Variants in TACR1 observed in about 807,000 individuals in gnomAD.
TACR1 encodes substance-P receptor.
TACR1 carries 25 observed loss-of-function variants against 35.8 expected under a neutral mutation model. The ratio of observed to expected loss-of-function variants is 0.70; its 90% confidence interval spans 0.51 to 0.98. The LOEUF (loss-of-function observed/expected upper bound fraction) is 0.98, where lower values mean the gene tolerates loss of function less well. Among genes scored for constraint, TACR1 ranks in the 50% least tolerant of loss-of-function variants. The pLI, the probability that TACR1 is intolerant of heterozygous loss-of-function variation, is 0.00. For missense variants in TACR1, 478 were observed against 522.9 expected (o/e 0.91, Z 0.84); for synonymous variants, 195 against 206.7 (o/e 0.94, Z 0.48).
rs138170862 is a variant in TACR1 at position 75,086,100 on chromosome 2, C to G, written c.585-32345G>C. On this transcript the variant is annotated intron_variant, in intron 2 of 4. Transcript: ENST00000305249. ...CTGGGCTGTAACAAGGTCATCTTAACAGTTCTGTGTTGTTTGGGTTGAGGA... is the reference window on the plus strand; with the variant it reads ...CTGGGCTGTAACAAGGTCATCTTAAGAGTTCTGTGTTGTTTGGGTTGAGGA... 3.2e-4 allele frequency among the ~76,000 whole-genome samples: 48 copies of G among 152,292 alleles called. No individual in the cohort carries two copies. The East Asian group carries it at 8.1e-3, about 26-fold the overall frequency.
intron 1 of TACR1, among the ~76,000 whole-genome samples, chr2:75,152,107 G>A (rs1281227061): frequency 6.6e-6 from 1 of 152,190 alleles, no homozygotes; most frequent in Non-Finnish European, 1.5e-5. Context: ...GAAGGGACTT[G>A]TCTTGCCTCA....
At chr2:75,120,997 C>T (rs973201971) in intron 1 of TACR1, among the ~76,000 whole-genome samples, 15 of 152,156 alleles carry the variant, frequency 9.9e-5, no homozygotes, top group Admixed American at 9.8e-4. Context: ...TATTTCAGAA[C>T]CTATCTAGCA....
chr2:75,188,901 T>C (rs1440195215), intron 1 of TACR1: 2 of 152,218 alleles, frequency 1.3e-5, no homozygotes, highest in African/African-American at 4.8e-5. Context: ...TGATGATTTA[T>C]GTGGGTAAAT....
At chr2:75,168,591 C>T (rs192237894) in intron 1 of TACR1, among the ~76,000 whole-genome samples, 1 of 152,326 alleles carries the variant, frequency 6.6e-6, no homozygotes, top group African/African-American at 2.4e-5. Flanking sequence ...GAACACAGCT[C>T]TGCCAACACC....
At chr2:75,116,631 G>A (rs1185843868) in intron 2 of TACR1, among the ~76,000 whole-genome samples, 1 of 152,094 alleles carries the variant, frequency 6.6e-6, no homozygotes, top group Non-Finnish European at 1.5e-5. Context: ...TTTCTGGGCT[G>A]GGCACGGTGG....
intron 2 of TACR1, among the ~76,000 whole-genome samples, chr2:75,106,056 T>G (rs1215963609): frequency 6.6e-6 from 1 of 152,034 alleles, no homozygotes; most frequent in African/African-American, 2.4e-5. Context: ...TTGTGATAAA[T>G]GTACTATACT....
intron 1 of TACR1, among the ~76,000 whole-genome samples, chr2:75,179,617 C>A (rs1252889001): frequency 6.6e-6 from 1 of 152,160 alleles, no homozygotes; most frequent in Non-Finnish European, 1.5e-5. Flanking sequence ...TGAAGTTGGG[C>A]CTGGCCATGT....
chr2:75,096,853 G>A (rs900729449), intron 2 of TACR1, among the ~76,000 whole-genome samples: 1 of 152,130 alleles, frequency 6.6e-6, no homozygotes, highest in African/African-American at 2.4e-5. Context: ...TTGCTTCAGT[G>A]GAAGATGAGA....
chr2:75,148,016 G>C lies in TACR1; in HGVS notation c.390-27248C>G, dbSNP rs192132086. 1.5e-4 allele frequency among the ~76,000 whole-genome samples: 23 copies of C among 152,142 alleles called. No individual in the cohort carries two copies. The East Asian group carries it at 3.3e-3, about 22-fold the overall frequency. On this transcript the variant is annotated intron_variant, in intron 1 of 4. Coordinates refer to ENST00000305249, the MANE Select transcript of TACR1 (RefSeq NM_001058.4). The stretch of plus-strand genomic sequence containing the variant: ...CCATCTCGGCCTCCCAAAGTGCTGC[G>C]ATTACAGTTGTGAGCCACCACACCT...
rs562296938 is a variant in TACR1, at chr2:75,062,596, A to C, written c.585-8841T>G. On this transcript the variant is annotated intron_variant, in intron 2 of 4. Coordinates refer to ENST00000305249, the MANE Select transcript of TACR1 (RefSeq NM_001058.4). ...CATTTGAGTTATTTACAATGATCTA[A>C]TATTTAAGCGATACTTTAATTAACA... is the stretch of plus-strand genomic sequence containing the variant. Among the ~76,000 whole-genome samples, 3 of 152,352 alleles carry C rather than the reference A, an allele frequency of 2.0e-5. No homozygotes were observed. In the South Asian group the frequency reaches 6.2e-4, roughly 32 times the overall value.
chr2:75,166,574 C>A (rs1346302276), intron 1 of TACR1, among the ~76,000 whole-genome samples: 1 of 152,150 alleles, frequency 6.6e-6, no homozygotes, highest in Non-Finnish European at 1.5e-5. Flanking sequence ...TGGTCTTTGG[C>A]CTTGGGGCTC....
intron 3 of TACR1, 21 bp from the exon 4 acceptor site, chr2:75,051,468 G>A (rs756386247): frequency 6.2e-7 from 1 of 1,612,988 alleles, no homozygotes; most frequent in African/African-American, 1.3e-5. Flanking sequence ...GGTGAGACAG[G>A]TGAGACCACC....
chr2:75,107,463 A>G (rs185723682), intron 2 of TACR1, among the ~76,000 whole-genome samples: 181 of 152,008 alleles, frequency 1.2e-3, no homozygotes, highest in African/African-American at 4.2e-3. Flanking sequence ...TATATGCCAT[A>G]GTCTGTTTTG....
rs979384390 is a variant in TACR1, at chr2:75,061,124, G to A, written c.585-7369C>T. On this transcript the variant is annotated intron_variant, in intron 2 of 4. Transcript: ENST00000305249. ...GTCCAAAAACCATAAGAAGACAAGC[G>A]GATGCAAGATGGCCATGAGAAGAGA... 2.6e-5 allele frequency among the ~76,000 whole-genome samples: 4 copies of A among 152,066 alleles called. No individual in the cohort carries two copies. In the South Asian group the frequency reaches 8.3e-4, roughly 32 times the overall value.
At chr2:75,131,522 C>G (rs1674178428) in intron 1 of TACR1, among the ~76,000 whole-genome samples, 1 of 152,010 alleles carries the variant, frequency 6.6e-6, no homozygotes, top group Non-Finnish European at 1.5e-5. Flanking sequence ...TGTTTTGGTA[C>G]TAATATGAAT....
chr2:75,102,123 G>A (rs973409582), intron 2 of TACR1, among the ~76,000 whole-genome samples: 20 of 152,040 alleles, frequency 1.3e-4, no homozygotes, highest in Admixed American at 3.9e-4. Context: ...GCTTAAACTC[G>A]CCTGTTGGGT....
At chr2:75,108,362 C>T (rs1673690571) in intron 2 of TACR1, among the ~76,000 whole-genome samples, 1 of 152,094 alleles carries the variant, frequency 6.6e-6, no homozygotes, top group South Asian at 2.1e-4. Context: ...AAATGATTTG[C>T]ATACATGGGG....
intron 1 of TACR1, among the ~76,000 whole-genome samples, chr2:75,197,010 A>T (rs569235932): frequency 6.3e-4 from 96 of 152,364 alleles, no homozygotes; most frequent in African/African-American, 2.3e-3. Context: ...GTCAATGCAG[A>T]AAGATTTACA....
chr2:75,123,165 G>A (rs1674004755), intron 1 of TACR1, among the ~76,000 whole-genome samples: 1 of 38,800 alleles, frequency 2.6e-5, no homozygotes, highest in South Asian at 4.3e-4. Context: ...CCCAAATGCA[G>A]CGGTGAAGAT....
Sources: allele counts gnomAD v4.1 joint callset (sites outside exome capture counted in the v4.1 genomes callset), GRCh38; gene constraint gnomAD v4.1.1; transcripts MANE v1.5; gene names NCBI Gene and HGNC (gene_info 2026-07-23, HGNC 2026-07-21).